KCNH7: variants seen among roughly 807,000 people sequenced by gnomAD.
KCNH7 encodes voltage-gated inwardly rectifying potassium channel KCNH7.
In KCNH7, 49 loss-of-function variants were observed where a neutral mutation model predicts 120.8. That is an observed-to-expected ratio of 0.41 (90% CI 0.32 to 0.51). KCNH7 has a LOEUF of 0.51. KCNH7 is among the 20% of genes least tolerant of loss of function. KCNH7 has a pLI of 0.38. For missense variants in KCNH7, 1,097 were observed against 1,446.6 expected (o/e 0.76, Z 3.92); for synonymous variants, 547 against 516.1 (o/e 1.06, Z -0.81).
At chr2:162,633,186 C>T (rs761742139) in intron 2 of KCNH7, among the ~76,000 whole-genome samples, 21 of 151,900 alleles carry the variant, frequency 1.4e-4, no homozygotes, top group African/African-American at 2.7e-4. Context: ...AGGTAACACA[C>T]GGGGGTTTTA....
chr2:162,714,840 G>A (rs1235455097), intron 2 of KCNH7, among the ~76,000 whole-genome samples: 2 of 152,126 alleles, frequency 1.3e-5, no homozygotes, highest in Non-Finnish European at 1.5e-5. Flanking sequence ...TTTTTCAATC[G>A]TTTAAAAATG....
At chr2:162,418,355 G>A (rs1464717550) in intron 9 of KCNH7, among the ~76,000 whole-genome samples, 1 of 152,082 alleles carries the variant, frequency 6.6e-6, no homozygotes, top group Non-Finnish European at 1.5e-5. Context: ...ATACATATCA[G>A]TCTAGGTCAT....
intron 6 of KCNH7, among the ~76,000 whole-genome samples, chr2:162,472,564 G>A (rs1163591639): frequency 1.3e-5 from 2 of 152,146 alleles, no homozygotes; most frequent in Non-Finnish European, 2.9e-5. Context: ...ACTTAGAATG[G>A]CAATCATTAA....
chr2:162,708,403 A>T (rs1313312595), intron 2 of KCNH7, among the ~76,000 whole-genome samples: 1 of 152,088 alleles, frequency 6.6e-6, no homozygotes, highest in African/African-American at 2.4e-5. Context: ...AAATGAAAGC[A>T]TTGAAGATCA....
At chr2:162,682,261 G>A (rs1685737001) in intron 2 of KCNH7, among the ~76,000 whole-genome samples, 1 of 151,664 alleles carries the variant, frequency 6.6e-6, no homozygotes, top group Admixed American at 6.6e-5. Context: ...TCCAAAATGG[G>A]AGTCCAGAAT....
At chr2:162,604,055 C>T (rs1694649803) in intron 2 of KCNH7, among the ~76,000 whole-genome samples, 1 of 151,976 alleles carries the variant, frequency 6.6e-6, no homozygotes, top group African/African-American at 2.4e-5. Context: ...TACCAGCAAA[C>T]ACATTCAAAA....
chr2:162,785,780 G>A (rs1336981807), intron 2 of KCNH7, among the ~76,000 whole-genome samples: 2 of 152,082 alleles, frequency 1.3e-5, no homozygotes, highest in Admixed American at 1.3e-4. Context: ...TGTTTTGACT[G>A]TGTGGTTTTT....
intron 6 of KCNH7, among the ~76,000 whole-genome samples, chr2:162,478,923 A>G (rs1007474452): frequency 6.6e-6 from 1 of 152,152 alleles, no homozygotes; most frequent in African/African-American, 2.4e-5. Context: ...GTCCTTAATC[A>G]TTGTGACTCC....
chr2:162,465,661 A>T (rs972060174), intron 6 of KCNH7, among the ~76,000 whole-genome samples: 9 of 152,144 alleles, frequency 5.9e-5, no homozygotes, highest in Non-Finnish European at 8.8e-5. Flanking sequence ...AATGGTGCGC[A>T]TTGTATTCAT....
intron 2 of KCNH7, among the ~76,000 whole-genome samples, chr2:162,595,754 A>C (rs1694357948): frequency 6.6e-6 from 1 of 152,030 alleles, no homozygotes; most frequent in Non-Finnish European, 1.5e-5. Flanking sequence ...AGGCATCCAA[A>C]CAGAAAAGGA....
chr2:162,599,241 A>G (rs1262188189), intron 2 of KCNH7, among the ~76,000 whole-genome samples: 2 of 149,814 alleles, frequency 1.3e-5, no homozygotes, highest in East Asian at 3.9e-4. Flanking sequence ...AGAAAAAAAG[A>G]AAAAGAAAAA....
At chr2:162,551,492 A>G (rs1692666170) in intron 2 of KCNH7, among the ~76,000 whole-genome samples, 1 of 152,192 alleles carries the variant, frequency 6.6e-6, no homozygotes, top group African/African-American at 2.4e-5. Context: ...TTTGAGGGGC[A>G]CTTGAATTTC....
intron 2 of KCNH7, among the ~76,000 whole-genome samples, chr2:162,750,808 G>C (rs567551390): frequency 6.6e-6 from 1 of 152,110 alleles, no homozygotes; most frequent in Non-Finnish European, 1.5e-5. Flanking sequence ...TCACACGTGG[G>C]AACAAGAGGG....
chr2:162,547,602 T>G (rs1331089013), intron 2 of KCNH7, among the ~76,000 whole-genome samples: 1 of 152,192 alleles, frequency 6.6e-6, no homozygotes. Context: ...ATCCCCATTT[T>G]ATAGAAGTGG....
chr2:162,613,384 T>TAA (rs1683032779), intron 2 of KCNH7, among the ~76,000 whole-genome samples: 2 of 151,982 alleles, frequency 1.3e-5, no homozygotes, highest in Admixed American at 1.3e-4. Flanking sequence ...AGAATATATA[T>TAA]TTTAATCAAA....
chr2:162,835,202 T>C (rs1685615416), intron 2 of KCNH7, among the ~76,000 whole-genome samples: 1 of 152,112 alleles, frequency 6.6e-6, no homozygotes. Context: ...TTGATACGTA[T>C]ACTATTGCTT....
At chr2:162,561,702 G>A (rs1335251034) in intron 2 of KCNH7, among the ~76,000 whole-genome samples, 1 of 152,082 alleles carries the variant, frequency 6.6e-6, no homozygotes, top group Non-Finnish European at 1.5e-5. Flanking sequence ...TTTGAGAAGT[G>A]TCTGTTCATA....
intron 2 of KCNH7, among the ~76,000 whole-genome samples, chr2:162,550,560 A>G (rs1304466679): frequency 6.7e-6 from 1 of 149,362 alleles, no homozygotes; most frequent in Admixed American, 6.7e-5. Flanking sequence ...CAGCATAGTC[A>G]TTCATTCTGC....
chr2:162,588,184 A>G (rs1694083503), intron 2 of KCNH7, among the ~76,000 whole-genome samples: 1 of 152,094 alleles, frequency 6.6e-6, no homozygotes, highest in South Asian at 2.1e-4. Context: ...ACTGACCTTC[A>G]CACCTCTGAG....
Sources: gnomAD v4.1 joint callset for allele counts (sites outside exome capture counted in the v4.1 genomes callset) on GRCh38, gnomAD v4.1.1 for gene constraint, MANE v1.5 for transcripts, NCBI Gene and HGNC (gene_info 2026-07-23, HGNC 2026-07-21) for gene names.